The following TRIOBP variants were observed in gnomAD, a reference collection of about 807,000 sequenced individuals.
The protein encoded by TRIOBP is TRIO and F-actin binding protein.
Under a neutral mutation model 238.8 loss-of-function variants are expected in TRIOBP, and 169 were observed. The observed-to-expected ratio is 0.71, with a 90% CI of 0.62 to 0.80. TRIOBP has a LOEUF of 0.80. TRIOBP is among the 30% of genes least tolerant of loss of function. The pLI, the probability that TRIOBP is intolerant of heterozygous loss-of-function variation, is 0.00. For missense variants in TRIOBP, 2,838 were observed against 3,122.6 expected, an observed-to-expected ratio of 0.91 and a Z score of 2.17; for synonymous variants, 1,150 against 1,274.4, an observed-to-expected ratio of 0.90 and a Z score of 2.08.
rs1022557381 is a variant in TRIOBP at position 37,723,283 on chromosome 22, G to A, written c.727G>A (p.Ala243Thr). The change falls in exon 7 of 24, where the codon GCT becomes ACT. Residue 243 changes from alanine to threonine, a missense_variant. By Grantham distance (58) the Ala-to-Thr change is moderately conservative. Transcript: ENST00000644935. ...LERHRSTLTQ[A>T]SSMTPHSGPR... ...GCGGCACCGGTCAACACTGACCCAG[G>A]CTTCCTCCATGACACCACACAGTGG... The A allele has an allele frequency of 1.9e-6, 3 of 1,613,966 alleles. No homozygotes were observed. Among genetic ancestry groups the A allele is most frequent in the African/African-American group, 1.3e-5 (1 of 74,890 alleles).
Position 37,734,911 on chromosome 22 carries a change from C to A in TRIOBP, c.4575C>A (p.Ser1525=). ...AGAACTGGGGAGGCCCCGCAGAGTC[C>A]TCACAATCCTGGCACTCTGGGACAC... The part of the protein sequence containing the change: ...PPENWGGPAE[S]SQSWHSGTPT... The change falls in exon 9 of 24, where the codon TCC becomes TCA. Residue 1525 remains serine (S), a synonymous_variant. Transcript: ENST00000644935. The A allele has an allele frequency of 6.2e-7, 1 of 1,613,310 alleles. No individual in the cohort carries two copies. Among genetic ancestry groups the A allele is most frequent in the Non-Finnish European group, 8.5e-7 (1 of 1,180,006 alleles).
chr22:37,751,307 G>A (rs1569054536), intron 11 of TRIOBP: 3 of 341,674 alleles, frequency 8.8e-6, no homozygotes, highest in South Asian at 2.3e-5. Flanking sequence ...TCCTGGAGCC[G>A]AGGAAAGGAC....
chr22:37,748,428 T>G (rs185566654), intron 11 of TRIOBP, among the ~76,000 whole-genome samples: 2 of 152,268 alleles, frequency 1.3e-5, no homozygotes, highest in Admixed American at 1.3e-4. Flanking sequence ...GGGTGCAGCT[T>G]TGCTCCCGGA....
At chr22:37,726,678 C>T (rs1924186191) in intron 7 of TRIOBP, 175 bp downstream of exon 7, 1 of 689,284 alleles carries the variant, frequency 1.5e-6, no homozygotes, top group South Asian at 2.4e-5. Flanking sequence ...TGGGAGTTTT[C>T]TGTTTTGTGT....
chr22:37,719,974 C>CAATGTTTCACTCATCACACTGCACTA, intron 6 of TRIOBP, among the ~76,000 whole-genome samples: 1 of 147,408 alleles, frequency 6.8e-6, no homozygotes, highest in African/African-American at 2.6e-5. Context: ...ACACTGCACT[C>CAATGTTTCACTCATCACACTGCACTA]ACTGTTTCAC....
In TRIOBP at chr22:37,758,272, C is replaced by T. The variant is rs887440513; in HGVS notation, c.6213+134C>T. 8 of 1,132,548 alleles carry T rather than the reference C, an allele frequency of 7.1e-6. No individual in the cohort carries two copies. The South Asian group carries it at 8.2e-5, about 12-fold the overall frequency. 70.2% of individuals were successfully genotyped at this position (1,132,548 alleles called of 1,614,324 possible). A position where few individuals can be genotyped will look rare whatever the true frequency, so the allele number is the denominator to read the frequency against. On this transcript the variant is annotated intron_variant, in intron 16 of 23. Transcript: ENST00000644935. Reference sequence around the variant, plus strand: ...ACCCCTGATCTGCTGTGAGTGTGCACCCCACACTCCTGCGAACTAGAATCT... The same window carrying T: ...ACCCCTGATCTGCTGTGAGTGTGCATCCCACACTCCTGCGAACTAGAATCT...
chr22:37,765,857 G>A, intron 18 of TRIOBP, 40 bp downstream of exon 18: 2 of 1,568,052 alleles, frequency 1.3e-6, no homozygotes, highest in South Asian at 2.3e-5. Flanking sequence ...TGGGCTCTGA[G>A]CCTCTGTGCT....
In TRIOBP at chr22:37,771,600, G is replaced by T. The variant is rs148543831; in HGVS notation, c.6850-50G>T. The T allele has an allele frequency of 2.7e-3, 4,172 of 1,565,870 alleles. 8 individuals are homozygous for T. Among genetic ancestry groups the T allele is most frequent in the Non-Finnish European group, 3.3e-3 (3,793 of 1,137,542 alleles). On this transcript the variant is annotated intron_variant, in intron 21 of 23. Coordinates refer to ENST00000644935, the MANE Select transcript of TRIOBP (RefSeq NM_001039141.3). ...CCGGGCTGCAGGGCACTATGGGCCA[G>T]GGTAGCTCTGGCTTCTGGCCCTGGG...
At chr22:37,773,623 A>G (rs998560305) in intron 23 of TRIOBP, among the ~76,000 whole-genome samples, 160 bp from the exon 24 acceptor site, 1 of 152,078 alleles carries the variant, frequency 6.6e-6, no homozygotes, top group African/African-American at 2.4e-5. Context: ...AGGCCACCCT[A>G]TGGCTGAGCT....
At chr22:37,743,339 CTTA>C (rs1346110952) in intron 11 of TRIOBP, among the ~76,000 whole-genome samples, 1 of 152,220 alleles carries the variant, frequency 6.6e-6, no homozygotes, top group Admixed American at 6.5e-5. Context: ...TGAGCCTTAC[CTTA>C]TTATTCTCAG....
rs760626428 is a variant in TRIOBP at position 37,768,077 on chromosome 22, T to C, written c.6476T>C (p.Ile2159Thr). 31 of 1,611,598 alleles carry C rather than the reference T, an allele frequency of 1.9e-5. No individual in the cohort carries two copies. Among genetic ancestry groups the C allele is most frequent in the African/African-American group, 2.7e-5 (2 of 74,856 alleles). Residue 2159 changes from isoleucine to threonine, a missense_variant, in exon 19 of 24, where the codon ATT becomes ACT. Around this residue, in one of 5 missense-constraint regions of TRIOBP, gnomAD observed 2,096 missense variants for 2,137.4 expected, o/e 0.98. Transcript: ENST00000644935. ...TGCCTCTCTGCCCTGCTTCCAGCCA[T>C]TGAAGCCATGAAGAAGGCCTACCAG... ...AEETAATASA[I>T]EAMKKAYQEE...
At chr22:37,770,204 C>A (rs775666785) in intron 21 of TRIOBP, among the ~76,000 whole-genome samples, 15 of 146,846 alleles carry the variant, frequency 1.0e-4, no homozygotes, top group Non-Finnish European at 2.1e-4. Context: ...TTTGGGAGGC[C>A]GAGGCGGGCA....
Position 37,750,523 on chromosome 22 carries a change from G to T in TRIOBP, c.5323-1249G>T, listed in dbSNP as rs544692825. 9.7e-5 allele frequency: 40 copies of T among 411,594 alleles called. 1 individual carries two copies. In the East Asian group the frequency reaches 2.1e-3, roughly 22 times the overall value. 25.5% of individuals were successfully genotyped at this position (411,594 alleles called of 1,614,324 possible). A position where few individuals can be genotyped will look rare whatever the true frequency, so the allele number is the denominator to read the frequency against. ...CAATCTTCATTCTTAGCTTGGGATC[G>T]CCCTGGGCAGCCTCCGTCTCAGGTG... On this transcript the variant is annotated intron_variant, in intron 11 of 23. Transcript: ENST00000644935.
Position 37,734,454 on chromosome 22 carries a change from C to G in TRIOBP, c.4118C>G (p.Pro1373Arg). ...CTGACCCGGCGGAGCCAAGCAGAGC[C>G]CCCTCATCCTTGGAGTCCTGAGAAG... ...AELTRRSQAE[P>R]PHPWSPEKRP... The change falls in exon 9 of 24, where the codon CCC becomes CGC. Residue 1373 changes from proline (P) to arginine (R), a missense_variant. Pro to Arg is a moderately radical substitution (Grantham distance 103). Transcript: ENST00000644935. 1 of 1,613,128 alleles carries G rather than the reference C, an allele frequency of 6.2e-7. No homozygotes were observed. The highest frequency in any genetic ancestry group is 8.5e-7 in the Non-Finnish European group (1 of 1,179,888).
chr22:37,747,098 C>T (rs1014791523), intron 11 of TRIOBP, among the ~76,000 whole-genome samples: 1 of 152,188 alleles, frequency 6.6e-6, no homozygotes, highest in Non-Finnish European at 1.5e-5. Flanking sequence ...TGGGGGTGAG[C>T]TGTACCCAAG....
intron 7 of TRIOBP, 44 bp downstream of exon 7, chr22:37,726,547 C>T: frequency 7.0e-7 from 1 of 1,428,558 alleles, no homozygotes; most frequent in African/African-American, 1.4e-5. Flanking sequence ...GGGGAGGAGG[C>T]TCGGCAGCAG....
chr22:37,717,618 T>C (rs554227409), intron 6 of TRIOBP, among the ~76,000 whole-genome samples: 1 of 152,286 alleles, frequency 6.6e-6, no homozygotes, highest in East Asian at 1.9e-4. Context: ...AGAGTGTGGA[T>C]TGGTGCATTC....
Position 37,725,672 on chromosome 22 carries a change from C to T in TRIOBP, c.3116C>T (p.Pro1039Leu), listed in dbSNP as rs759002895. 6.2e-7 allele frequency: 1 copy of T among 1,612,930 alleles called. No homozygotes were observed. Among genetic ancestry groups the T allele is most frequent in the East Asian group, 2.2e-5 (1 of 44,720 alleles). Residue 1039 changes from proline to leucine, a missense_variant, in exon 7 of 24, where the codon CCC (proline) becomes CTC (leucine). Physicochemically the swap from Pro to Leu is moderately conservative, Grantham distance 98. Coordinates refer to ENST00000644935, the MANE Select transcript of TRIOBP (RefSeq NM_001039141.3). ...CGCTATTTGCAGCACGACCCCTTCC[C>T]CTTCTTCCCAGAGCCCCGCGCCCCT... ...PPRYLQHDPF[P>L]FFPEPRAPES...
intron 2 of TRIOBP, among the ~76,000 whole-genome samples, chr22:37,698,317 A>G (rs533886381): frequency 6.8e-6 from 1 of 146,738 alleles, no homozygotes; most frequent in East Asian, 2.1e-4. Flanking sequence ...TCAGGAGTTC[A>G]GGAGTTCAAA....
Sources: gnomAD v4.1 joint callset for allele counts (sites outside exome capture counted in the v4.1 genomes callset) on GRCh38, gnomAD v4.1.1 for gene constraint, gnomAD v4.1.1 regional missense constraint, MANE v1.5 for transcripts, NCBI Gene and HGNC (gene_info 2026-07-23, HGNC 2026-07-21) for gene names.